Variants in ASAP1 observed in about 807,000 individuals in gnomAD.
ASAP1 encodes ArfGAP with SH3 domain, ankyrin repeat and PH domain 1.
ASAP1 carries 43 observed loss-of-function variants against 145.2 expected under a neutral mutation model. The ratio of observed to expected loss-of-function variants is 0.30; its 90% CI spans 0.23 to 0.38. ASAP1 has a LOEUF of 0.38. Ranked by LOEUF, ASAP1 falls within the 10% of genes least tolerant of loss-of-function variation. The pLI is 1.00. For synonymous variants in ASAP1, 546 were observed against 515.5 expected, an observed-to-expected ratio of 1.06 and a Z score of -0.80; for missense variants, 1,018 against 1,355.3, an observed-to-expected ratio of 0.75 and a Z score of 3.91.
At chr8:130,138,967 T>A (rs2097602514) in intron 13 of ASAP1, among the ~76,000 whole-genome samples, 1 of 152,104 alleles carries the variant, frequency 6.6e-6, no homozygotes, top group Non-Finnish European at 1.5e-5. Flanking sequence ...CTACATCTCA[T>A]CTTTTTGGAT....
intron 5 of ASAP1, chr8:130,195,160 CA>C (rs1815395578): frequency 6.6e-6 from 1 of 152,092 alleles, no homozygotes; most frequent in Non-Finnish European, 1.5e-5. Flanking sequence ...AAGTTCTTTA[CA>C]TGATTCAAGT....
intron 27 of ASAP1, among the ~76,000 whole-genome samples, chr8:130,073,508 C>T (rs759855902): frequency 2.6e-5 from 4 of 152,022 alleles, no homozygotes; most frequent in African/African-American, 4.8e-5. Context: ...TCCATGACCA[C>T]GGCCTGTGGT....
chr8:130,353,405 T>C (rs1167306241), intron 3 of ASAP1, among the ~76,000 whole-genome samples: 1 of 152,186 alleles, frequency 6.6e-6, no homozygotes, highest in Non-Finnish European at 1.5e-5. Flanking sequence ...AACTCTGAAA[T>C]ATAAACATGA....
intron 3 of ASAP1, among the ~76,000 whole-genome samples, chr8:130,353,326 T>C (rs1051065691): frequency 1.6e-4 from 24 of 152,174 alleles, no homozygotes; most frequent in Admixed American, 1.3e-3. Context: ...CACATTTAAA[T>C]CTGAAAACTC....
intron 3 of ASAP1, among the ~76,000 whole-genome samples, chr8:130,268,896 A>C (rs1820426660): frequency 6.6e-6 from 1 of 152,176 alleles, no homozygotes; most frequent in African/African-American, 2.4e-5. Context: ...GTTAGCTTAC[A>C]TTATGCAGGA....
intron 25 of ASAP1, among the ~76,000 whole-genome samples, chr8:130,088,975 A>G (rs1202656638): frequency 2.0e-5 from 3 of 152,256 alleles, no homozygotes; most frequent in African/African-American, 7.2e-5. Context: ...TGGAATGAGA[A>G]TCCAGACAGT....
At chr8:130,118,873 CAAGT>C in intron 18 of ASAP1, 198 bp from the exon 19 acceptor site, 1 of 331,822 alleles carries the variant, frequency 3.0e-6, no homozygotes, top group South Asian at 1.1e-4. Flanking sequence ...CTAATATATA[CAAGT>C]AATAGATATA....
chr8:130,384,999 G>A (rs1296860619), intron 2 of ASAP1, among the ~76,000 whole-genome samples: 2 of 152,168 alleles, frequency 1.3e-5, no homozygotes, highest in African/African-American at 4.8e-5. Flanking sequence ...CTCTATGGAG[G>A]CCGGGGCTTG....
intron 3 of ASAP1, among the ~76,000 whole-genome samples, chr8:130,342,665 C>A (rs548101567): frequency 1.3e-5 from 2 of 152,258 alleles, no homozygotes; most frequent in African/African-American, 4.8e-5. Flanking sequence ...ACTCACATGA[C>A]AAAGTGATGG....
chr8:130,160,172 G>A, intron 11 of ASAP1: 1 of 540,178 alleles, frequency 1.9e-6, no homozygotes, highest in South Asian at 2.1e-5. Flanking sequence ...AGGCAGAGCT[G>A]GGGTCTGGGT....
At chr8:130,344,842 G>T (rs1315007658) in intron 3 of ASAP1, among the ~76,000 whole-genome samples, 1 of 152,164 alleles carries the variant, frequency 6.6e-6, no homozygotes, top group African/African-American at 2.4e-5. Flanking sequence ...GACTATAAAA[G>T]GTATGGGGGA....
chr8:130,175,102 T>C (rs911999242), intron 9 of ASAP1, among the ~76,000 whole-genome samples: 1 of 152,246 alleles, frequency 6.6e-6, no homozygotes, highest in African/African-American at 2.4e-5. Context: ...AGACTTTTTT[T>C]GTTTTAATTA....
intron 27 of ASAP1, among the ~76,000 whole-genome samples, 162 bp downstream of exon 27, chr8:130,076,186 C>T (rs992048575): frequency 6.6e-6 from 1 of 152,102 alleles, no homozygotes; most frequent in Non-Finnish European, 1.5e-5. Context: ...TTATAAATAC[C>T]TTTCGTCATT....
chr8:130,071,009 GGGGAGAGAGA>G (rs2097444850), intron 27 of ASAP1, among the ~76,000 whole-genome samples: 2 of 7,008 alleles, frequency 2.9e-4, no homozygotes, highest in Non-Finnish European at 4.6e-4. Context: ...GAGGGGAGGG[GGGGAGAGAGA>G]GAGAGAGAGA....
intron 3 of ASAP1, among the ~76,000 whole-genome samples, chr8:130,310,030 G>C (rs1565195163): frequency 2.0e-5 from 3 of 150,444 alleles, no homozygotes; most frequent in Non-Finnish European, 2.9e-5. Context: ...TTCTATAGTA[G>C]AAATTCCCAG....
rs1392116422 is a variant in ASAP1 at position 130,358,747 on chromosome 8, G to GC, written c.60-605dup. Among the ~76,000 whole-genome samples the GC allele has an allele frequency of 4.5e-3, 149 of 33,226 alleles. No homozygotes were observed. Among genetic ancestry groups the GC allele is most frequent in the African/African-American group, 0.016 (138 of 8,484 alleles). 21.8% of individuals were successfully genotyped at this position (33,226 alleles called of 152,430 possible). ...GCGCCCCGCCCCCGGCCCGGCCCCC[G>GC]CCCCGCCCCGCCCCCGCTCGCGCAC... is the stretch of plus-strand genomic sequence containing the variant. On this transcript the variant is annotated intron_variant, in intron 2 of 29. Transcript: ENST00000518721. The surrounding 1 kb of genome is among the most constrained non-coding windows in gnomAD (Gnocchi z 4.1).
rs965026847 is a variant in ASAP1 at position 130,362,579 on chromosome 8, C to T, written c.60-4436G>A. Among the ~76,000 whole-genome samples the T allele has an allele frequency of 4.6e-5, 7 of 152,288 alleles. No individual in the cohort carries two copies. In the East Asian group the frequency reaches 1.2e-3, roughly 25 times the overall value. On this transcript the variant is annotated intron_variant, in intron 2 of 29. Coordinates refer to ENST00000518721, the MANE Select transcript of ASAP1 (RefSeq NM_018482.4). ...TTTCTGTGAAAGATGACTATAAATA[C>T]ATCTGCTTTCATTCCACGACTCAGA...
chr8:130,326,314 A>C (rs1370220832), intron 3 of ASAP1, among the ~76,000 whole-genome samples: 1 of 152,230 alleles, frequency 6.6e-6, no homozygotes, highest in Non-Finnish European at 1.5e-5. Context: ...GTACTCATGC[A>C]CCGACTTGCA....
Position 130,093,686 on chromosome 8 carries a change from A to AAAAAAAAAAAAAAAAAAAG in ASAP1, c.2402-1544_2402-1543insCTTTTTTTTTTTTTTTTTT, listed in dbSNP as rs767063471. ...CGTCTCAAAAAAAAAAAAAAAAAAA[A>AAAAAAAAAAAAAAAAAAAG]AAAGAAAGCTAAGAACACTGCCACA... On this transcript the variant is annotated intron_variant, in intron 24 of 29. Coordinates refer to ENST00000518721, the MANE Select transcript of ASAP1 (RefSeq NM_018482.4). Among the ~76,000 whole-genome samples, 85 of 131,958 alleles carry AAAAAAAAAAAAAAAAAAAG rather than the reference A, an allele frequency of 6.4e-4. 2 individuals carry two copies. The highest frequency in any genetic ancestry group is 2.6e-3 in the African/African-American group (78 of 30,524). 86.6% of individuals were successfully genotyped at this position (131,958 alleles called of 152,430 possible). A position where few individuals can be genotyped will look rare whatever the true frequency, so the allele number is the denominator to read the frequency against.
Sources: gnomAD v4.1 joint callset for allele counts (sites outside exome capture counted in the v4.1 genomes callset) on GRCh38, gnomAD v4.1.1 for gene constraint, Gnocchi (gnomAD v3.1) non-coding constraint, MANE v1.5 for transcripts, NCBI Gene and HGNC (gene_info 2026-07-23, HGNC 2026-07-21) for gene names.